CDH23: variants seen among roughly 807,000 people sequenced by gnomAD.
The protein encoded by CDH23 is cadherin-23.
In CDH23, 189 loss-of-function variants were observed where a neutral mutation model predicts 317.1. The ratio of observed to expected loss-of-function variants is 0.60; its 90% confidence interval spans 0.53 to 0.67. The LOEUF is 0.67. CDH23 is among the 30% of genes least tolerant of loss of function. The probability of loss-of-function intolerance (pLI) is 0.00; values close to 1 mark genes in which losing one functional copy is unlikely to be tolerated. For synonymous variants in CDH23, 1,839 were observed against 1,876.8 expected (o/e 0.98, Z 0.52); for missense variants, 4,401 against 4,592.4 (o/e 0.96, Z 1.20).
chr10:71,808,449 G>C (rs1841810510), intron 60 of CDH23, among the ~76,000 whole-genome samples: 1 of 152,050 alleles, frequency 6.6e-6, no homozygotes, highest in Non-Finnish European at 1.5e-5. Flanking sequence ...CATAATATCT[G>C]CCTGTTTTTT....
intron 3 of CDH23, among the ~76,000 whole-genome samples, chr10:71,484,063 G>A (rs565760975): frequency 6.6e-6 from 1 of 152,336 alleles, no homozygotes; most frequent in Admixed American, 6.5e-5. Context: ...GCCACAGCGT[G>A]CAGCTGTGGT....
At chr10:71,410,802 G>A (rs373598865) in intron 1 of CDH23, among the ~76,000 whole-genome samples, 30 of 152,110 alleles carry the variant, frequency 2.0e-4, no homozygotes, top group Admixed American at 1.4e-3. Context: ...ATCCTGTTGC[G>A]TATAGTTAAT....
chr10:71,484,895 A>C (rs555475052), intron 3 of CDH23, among the ~76,000 whole-genome samples: 2 of 152,164 alleles, frequency 1.3e-5, no homozygotes, highest in Admixed American at 6.5e-5. Flanking sequence ...CAACTTACAT[A>C]CAAGTTCATG....
chr10:71,641,544 G>T (rs375096012), intron 11 of CDH23, among the ~76,000 whole-genome samples: 5 of 152,194 alleles, frequency 3.3e-5, no homozygotes, highest in East Asian at 1.9e-4. Flanking sequence ...TTAGGACAGT[G>T]CTCCTCAAAA....
chr10:71,682,703 C>G (rs966839757), intron 18 of CDH23, 131 bp downstream of exon 18: 111 of 1,163,034 alleles, frequency 9.5e-5, no homozygotes, highest in Non-Finnish European at 1.3e-4. Context: ...GTTTACCCAG[C>G]CATCTGTCCC....
Position 71,778,171 on chromosome 10 carries a change from C to T in CDH23, c.5068-18C>T, listed in dbSNP as rs1463262301. ...ACCACCCCTAGATCCATCCTTGTCC[C>T]TTCCCTGTGTCCCCCAGGGTGTCAT... is the stretch of plus-strand genomic sequence containing the variant. On this transcript the variant is annotated intron_variant, in intron 39 of 69. Coordinates refer to ENST00000224721, the MANE Select transcript of CDH23 (RefSeq NM_022124.6). The T allele has an allele frequency of 6.2e-7, 1 of 1,613,668 alleles. No individual in the cohort carries two copies. Among genetic ancestry groups the T allele is most frequent in the African/African-American group, 1.3e-5 (1 of 74,882 alleles).
In CDH23 at chr10:71,446,374, A is replaced by G; in HGVS notation, c.124A>G (p.Ile42Val). The change falls in exon 3 of 70, where the codon ATC (isoleucine) becomes GTC (valine). Residue 42 changes from isoleucine (I) to valine (V), a missense_variant. Physicochemically the swap from Ile to Val is conservative, Grantham distance 29. Coordinates refer to ENST00000224721, the MANE Select transcript of CDH23 (RefSeq NM_022124.6). ...TNHFFDTYLLISEDTPVGSSV... is the reference protein window; with the variant it reads ...TNHFFDTYLLVSEDTPVGSSV... ...CCACTTCTTTGATACATACCTGCTG[A>G]TCAGCGAGGACACGCCTGTGGGTGA... The G allele has an allele frequency of 6.2e-7, 1 of 1,613,990 alleles. No homozygotes were observed. The highest frequency in any genetic ancestry group is 1.7e-4 in the Middle Eastern group (1 of 6,060).
At chr10:71,540,244 C>A (rs1855913998) in intron 6 of CDH23, among the ~76,000 whole-genome samples, 1 of 152,150 alleles carries the variant, frequency 6.6e-6, no homozygotes, top group African/African-American at 2.4e-5. Flanking sequence ...CACTAGGGAA[C>A]CCACCCTCTT....
intron 9 of CDH23, among the ~76,000 whole-genome samples, chr10:71,600,514 CTTT>C (rs538778849): frequency 5.6e-5 from 7 of 125,170 alleles, no homozygotes; most frequent in Admixed American, 1.7e-4. Context: ...GACCGCAGAA[CTTT>C]TTTTTTTTTT....
chr10:71,497,890 C>T (rs1164299787), intron 3 of CDH23, among the ~76,000 whole-genome samples: 3 of 152,152 alleles, frequency 2.0e-5, no homozygotes, highest in Non-Finnish European at 4.4e-5. Flanking sequence ...AAATATTCGG[C>T]CAAGTAGAGC....
At chr10:71,742,806 G>A (rs1429316657) in intron 38 of CDH23, among the ~76,000 whole-genome samples, 1 of 152,224 alleles carries the variant, frequency 6.6e-6, no homozygotes, top group East Asian at 1.9e-4. Context: ...ACAAAACAGA[G>A]GAGTAAAACA....
intron 30 of CDH23, 103 bp downstream of exon 30, chr10:71,725,623 C>A: frequency 7.4e-7 from 1 of 1,347,242 alleles, no homozygotes; most frequent in South Asian, 1.4e-5. Flanking sequence ...GCAGGGCCAC[C>A]ACTGATTTAG....
At chr10:71,678,214 A>G (rs181459004) in intron 16 of CDH23, among the ~76,000 whole-genome samples, 92 of 151,948 alleles carry the variant, frequency 6.1e-4, no homozygotes, top group African/African-American at 2.1e-3. Flanking sequence ...CTGTGTCAGG[A>G]CCTCCTCCAA....
At chr10:71,571,458 G>A (rs182696809) in intron 8 of CDH23, among the ~76,000 whole-genome samples, 21 of 152,340 alleles carry the variant, frequency 1.4e-4, no homozygotes, top group South Asian at 1.0e-3. Flanking sequence ...TTCCAAGAAA[G>A]GCTCCTGATT....
chr10:71,550,514 C>T (rs914698039), intron 6 of CDH23, among the ~76,000 whole-genome samples: 1 of 130,702 alleles, frequency 7.7e-6, no homozygotes, highest in Non-Finnish European at 1.5e-5. Context: ...AAGCTGTGAT[C>T]GTGCCACTGC....
intron 6 of CDH23, among the ~76,000 whole-genome samples, chr10:71,565,018 G>T (rs1406067759): frequency 6.6e-6 from 1 of 152,196 alleles, no homozygotes; most frequent in African/African-American, 2.4e-5. Flanking sequence ...TTTCACACAG[G>T]GGGCTGGCAG....
chr10:71,765,883 C>T (rs1407435506), intron 38 of CDH23, among the ~76,000 whole-genome samples: 1 of 152,110 alleles, frequency 6.6e-6, no homozygotes, highest in Non-Finnish European at 1.5e-5. Flanking sequence ...GCCAGAGGGA[C>T]AGGACAAACC....
At position 71,550,559 on chromosome 10, in the gene CDH23, CAAAAA is replaced by C. The variant is rs1222399834; in HGVS notation, c.430-16169_430-16165del. Reference sequence around the variant, plus strand: ...TGGGCAACAGAGTGAGACCCTGTCTCAAAAAAAAAAAAAAAAAAGAAAAAAGAAAA... The same window carrying C: ...TGGGCAACAGAGTGAGACCCTGTCTCAAAAAAAAAAAAAGAAAAAAGAAAA... On this transcript the variant is annotated intron_variant, in intron 6 of 69. Transcript: ENST00000224721. Among the ~76,000 whole-genome samples the C allele has an allele frequency of 2.6e-4, 12 of 45,750 alleles. No homozygotes were observed. In the East Asian group the frequency reaches 5.3e-3, roughly 20 times the overall value. The allele number at this position is 45,750 out of a possible 152,430, so 30.0% of individuals were successfully genotyped here.
chr10:71,701,327 G>A (rs2132729292), intron 22 of CDH23, among the ~76,000 whole-genome samples: 1 of 152,340 alleles, frequency 6.6e-6, no homozygotes, highest in African/African-American at 2.4e-5. Flanking sequence ...AGCCCTCAAA[G>A]GCTGCAGGGG....
Sources: gnomAD v4.1 joint callset for allele counts (sites outside exome capture counted in the v4.1 genomes callset) on GRCh38, gnomAD v4.1.1 for gene constraint, MANE v1.5 for transcripts, NCBI Gene and HGNC (gene_info 2026-07-23, HGNC 2026-07-21) for gene names.